NWD1: variants seen among roughly 807,000 people sequenced by gnomAD.
NWD1 encodes NACHT domain- and WD repeat-containing protein 1.
Under a neutral mutation model 135.1 loss-of-function variants are expected in NWD1, and 129 were observed. The ratio of observed to expected loss-of-function variants is 0.96; its 90% CI spans 0.83 to 1.11. The LOEUF is 1.11. Among genes scored for constraint, NWD1 ranks in the 50% least tolerant of loss-of-function variants. The pLI is 0.00. For synonymous variants in NWD1, 773 were observed against 786.0 expected (o/e 0.98, Z 0.28); for missense variants, 1,740 against 1,851.3 (o/e 0.94, Z 1.10).
rs1173681537 is a variant in NWD1 at position 16,749,923 on chromosome 19, A to C, written c.1281A>C (p.Arg427Ser). 11 of 1,613,520 alleles carry C rather than the reference A, an allele frequency of 6.8e-6. No homozygotes were observed. The highest frequency in any genetic ancestry group is 9.3e-6 in the Non-Finnish European group (11 of 1,180,026). ...CCCTCCTCCACACTGTCTCTTGCAGAAACTTCGAGTCTCTCGTGCTCCTGC... is the reference window on the plus strand; with the variant it reads ...CCCTCCTCCACACTGTCTCTTGCAGCAACTTCGAGTCTCTCGTGCTCCTGC... Reference protein sequence around the residue: ...FHTLLHTVSCRNFESLVLLLD... With the variant: ...FHTLLHTVSCSNFESLVLLLD... Residue 427 changes from arginine to serine, a missense_variant, in exon 6 of 19, where the codon AGA becomes AGC. By Grantham distance (110) the Arg-to-Ser change is moderately radical. Transcript: ENST00000524140.
At chr19:16,743,122 G>C (rs967612719) in intron 4 of NWD1, among the ~76,000 whole-genome samples, 6 of 151,790 alleles carry the variant, frequency 4.0e-5, no homozygotes. Context: ...TGGCCAGACT[G>C]GTCTCGAACT....
intron 11 of NWD1, among the ~76,000 whole-genome samples, chr19:16,774,082 C>T (rs1000948221): frequency 2.6e-5 from 4 of 151,808 alleles, no homozygotes; most frequent in Admixed American, 2.6e-4. Flanking sequence ...ATCCACCGTC[C>T]TCCCACCCAC....
intron 4 of NWD1, among the ~76,000 whole-genome samples, chr19:16,737,424 G>T (rs1283496091): frequency 6.6e-6 from 1 of 151,928 alleles, no homozygotes; most frequent in African/African-American, 2.4e-5. Context: ...GCCACAGTTG[G>T]CTAGTATTTT....
At chr19:16,733,599 G>A (rs1187187748) in intron 3 of NWD1, among the ~76,000 whole-genome samples, 1 of 151,908 alleles carries the variant, frequency 6.6e-6, no homozygotes, top group Non-Finnish European at 1.5e-5. Flanking sequence ...GTTATGGTTT[G>A]TATATTTATT....
intron 17 of NWD1, among the ~76,000 whole-genome samples, chr19:16,800,407 GCCTGTAT>G (rs1970568258): frequency 6.8e-6 from 1 of 146,844 alleles, no homozygotes; most frequent in Non-Finnish European, 1.5e-5. Flanking sequence ...GGTGGCACAT[GCCTGTAT>G]CCCCAGCTAC....
intron 3 of NWD1, among the ~76,000 whole-genome samples, chr19:16,731,854 C>T (rs8112025): frequency 0.56 from 85,585 of 151,714 alleles, 24,849 homozygotes; most frequent in African/African-American, 0.64. Flanking sequence ...CTTTTTGCAC[C>T]GAGCCCCGTA....
At chr19:16,802,374 C>T (rs4563153) in intron 17 of NWD1, among the ~76,000 whole-genome samples, 40,972 of 150,072 alleles carry the variant, frequency 0.27, 6,276 homozygotes, top group East Asian at 0.43. Flanking sequence ...GCAGGATGAT[C>T]GCTTGAGCCC....
Position 16,800,080 on chromosome 19 carries a change from C to T in NWD1, c.3654C>T (p.Thr1218=), listed in dbSNP as rs760617643. ...CATTTCTGGACCGCACCGGCCTCAC[C>T]GCAGTGTCCCACAATGGAAGCTACG... The part of the protein sequence containing the change: ...PAPFLDRTGL[T]AVSHNGSYVY... Residue 1218 remains threonine (T), a synonymous_variant, in exon 17 of 19, where the codon ACC becomes ACT. Coordinates refer to ENST00000524140, the MANE Select transcript of NWD1 (RefSeq NM_001007525.5). 6.7e-5 allele frequency: 108 copies of T among 1,614,010 alleles called. No homozygotes were observed. Among genetic ancestry groups the T allele is most frequent in the Middle Eastern group, 4.9e-4 (3 of 6,084 alleles).
intron 4 of NWD1, among the ~76,000 whole-genome samples, chr19:16,739,409 A>T (rs2122746992): frequency 6.6e-6 from 1 of 151,994 alleles, no homozygotes. Context: ...CTCCAGGAGG[A>T]ATCTGATTTT....
rs569720812 is a variant in NWD1, at chr19:16,814,499, G to A, written c.4288-529G>A. Among the ~76,000 whole-genome samples, 6 of 152,300 alleles carry A rather than the reference G, an allele frequency of 3.9e-5. No individual in the cohort carries two copies. The South Asian group carries it at 6.2e-4, about 16-fold the overall frequency. ...CAGAGAGGTTAGGAGACTTGCCCAA[G>A]GTCACAAAACAAGTAAGTGGCTGAA... On this transcript the variant is annotated intron_variant, in intron 18 of 18. Coordinates refer to ENST00000524140, the MANE Select transcript of NWD1 (RefSeq NM_001007525.5).
Position 16,765,029 on chromosome 19 carries a change from C to G in NWD1, c.2252-5C>G. 1.9e-6 allele frequency: 3 copies of G among 1,614,054 alleles called. No individual in the cohort carries two copies. Among genetic ancestry groups the G allele is most frequent in the Non-Finnish European group, 2.5e-6 (3 of 1,179,976 alleles). ...TCCCACATCCTCCCCCCTTCTCTCC[C>G]TCAGGCAGCATGAGCTGGATTTCCT... On this transcript the variant is annotated splice_polypyrimidine_tract_variant and splice_region_variant and intron_variant, in intron 9 of 18. Coordinates refer to ENST00000524140, the MANE Select transcript of NWD1 (RefSeq NM_001007525.5).
At chr19:16,772,689 G>C (rs930349049) in intron 10 of NWD1, among the ~76,000 whole-genome samples, 4 of 151,944 alleles carry the variant, frequency 2.6e-5, no homozygotes, top group Non-Finnish European at 4.4e-5. Context: ...AAATAAATTA[G>C]CTGAGTGTGG....
intron 11 of NWD1, among the ~76,000 whole-genome samples, chr19:16,776,322 C>T (rs112294686): frequency 0.014 from 2,101 of 152,080 alleles, 62 homozygotes; most frequent in African/African-American, 0.048. Flanking sequence ...GTAATCCCAG[C>T]GCTTTGGGAG....
At chr19:16,804,726 T>A (rs1480640546) in intron 17 of NWD1, among the ~76,000 whole-genome samples, 1 of 152,092 alleles carries the variant, frequency 6.6e-6, no homozygotes, top group African/African-American at 2.4e-5. Flanking sequence ...AAATTTGGTA[T>A]CTGGTGAGTG....
chr19:16,795,794 A>G (rs1970399393), intron 15 of NWD1, among the ~76,000 whole-genome samples: 1 of 152,022 alleles, frequency 6.6e-6, no homozygotes, highest in Non-Finnish European at 1.5e-5. Context: ...CCCTTTCCCC[A>G]TTCTGGCCTG....
intron 4 of NWD1, 47 bp from the exon 5 acceptor site, chr19:16,744,374 C>T (rs976388785): frequency 5.5e-5 from 83 of 1,511,580 alleles, no homozygotes; most frequent in Non-Finnish European, 6.7e-5. Context: ...AAGACCTTGT[C>T]TGAAGAAAAA....
intron 4 of NWD1, among the ~76,000 whole-genome samples, chr19:16,743,488 G>T (rs1968170971): frequency 6.6e-6 from 1 of 151,892 alleles, no homozygotes; most frequent in Non-Finnish European, 1.5e-5. Context: ...GATTACAGGC[G>T]TGAGCCACCA....
chr19:16,744,867 C>T, intron 5 of NWD1, 149 bp downstream of exon 5: 3 of 697,368 alleles, frequency 4.3e-6, no homozygotes, highest in Non-Finnish European at 7.6e-6. Context: ...CTGAGAAAGG[C>T]TGTTTTACTG....
intron 12 of NWD1, among the ~76,000 whole-genome samples, chr19:16,788,234 AT>A (rs1970117439): frequency 1.7e-4 from 1 of 5,772 alleles, no homozygotes; most frequent in African/African-American, 1.5e-3. Flanking sequence ...TCATCTCAAA[AT>A]AATAATAATA....
Sources: allele counts gnomAD v4.1 joint callset (sites outside exome capture counted in the v4.1 genomes callset), GRCh38; gene constraint gnomAD v4.1.1; transcripts MANE v1.5; gene names NCBI Gene and HGNC (gene_info 2026-07-23, HGNC 2026-07-21).